The following PUM1 variants were observed in gnomAD, a reference collection of about 807,000 sequenced individuals.
PUM1 encodes the protein pumilio RNA binding family member 1, also known as pumilio homolog 1.
In PUM1, 13 loss-of-function variants were observed where a neutral mutation model predicts 131.8. The observed-to-expected ratio is 0.10, with a 90% confidence interval of 0.06 to 0.16. PUM1 has a LOEUF of 0.16. Ranked by LOEUF, PUM1 falls within the 10% of genes least tolerant of loss-of-function variation. The pLI, the probability that PUM1 is intolerant of heterozygous loss-of-function variation, is 1.00. For synonymous variants in PUM1, 509 were observed against 556.5 expected (o/e 0.91, Z 1.20); for missense variants, 961 against 1,512.4 (o/e 0.64, Z 6.05).
chr1:31,029,913 CAAA>C (rs10592751), intron 2 of PUM1, among the ~76,000 whole-genome samples: 36,122 of 120,146 alleles, frequency 0.3, 6,860 homozygotes, highest in East Asian at 0.8. Flanking sequence ...GATCCTTTTT[CAAA>C]AAAAAAAAAA....
At chr1:31,002,676 G>T (rs1237599587) in intron 5 of PUM1, among the ~76,000 whole-genome samples, 2 of 152,128 alleles carry the variant, frequency 1.3e-5, no homozygotes, top group Non-Finnish European at 2.9e-5. Flanking sequence ...CAAAAGAAAA[G>T]AAAAATAAAA....
intron 3 of PUM1, among the ~76,000 whole-genome samples, chr1:31,008,399 A>G (rs1570260692): frequency 1.7e-5 from 1 of 59,776 alleles, no homozygotes; most frequent in African/African-American, 1.5e-4. Flanking sequence ...CAAGATTGAG[A>G]AAAAAAAAAA....
chr1:31,063,545 A>C (rs1644412831), intron 1 of PUM1, among the ~76,000 whole-genome samples: 1 of 152,190 alleles, frequency 6.6e-6, no homozygotes, highest in Admixed American at 6.6e-5. Context: ...GGACACACAA[A>C]AAGCCCTGGC....
intron 2 of PUM1, among the ~76,000 whole-genome samples, chr1:31,044,547 G>GCA (rs1318087009): frequency 6.6e-6 from 1 of 152,204 alleles, no homozygotes; most frequent in Non-Finnish European, 1.5e-5. Flanking sequence ...GACAGAAGTG[G>GCA]ACTGGTGGTT....
intron 2 of PUM1, among the ~76,000 whole-genome samples, chr1:31,043,136 T>C (rs1192343515): frequency 6.6e-6 from 1 of 152,216 alleles, no homozygotes; most frequent in Non-Finnish European, 1.5e-5. Flanking sequence ...TTAAAAGTGG[T>C]ATCTCCCTAA....
chr1:30,986,563 AATCATC>A (rs541046734), intron 7 of PUM1, among the ~76,000 whole-genome samples: 2 of 152,036 alleles, frequency 1.3e-5, no homozygotes, highest in Non-Finnish European at 2.9e-5. Flanking sequence ...AAAAAAAAAA[AATCATC>A]ATCATCATCA....
chr1:30,957,806 C>T (rs1427430091), intron 14 of PUM1, among the ~76,000 whole-genome samples: 1 of 152,212 alleles, frequency 6.6e-6, no homozygotes, highest in Non-Finnish European at 1.5e-5. Context: ...TCCCCAGTAT[C>T]TAGTTCTGTG....
At chr1:30,998,521 G>A (rs766573993) in intron 5 of PUM1, among the ~76,000 whole-genome samples, 58 of 152,194 alleles carry the variant, frequency 3.8e-4, no homozygotes, top group Non-Finnish European at 6.6e-4. Flanking sequence ...GCATGCGCCT[G>A]TAGTCCTTGC....
chr1:30,948,621 T>C (rs1480075078), intron 17 of PUM1, among the ~76,000 whole-genome samples: 1 of 152,130 alleles, frequency 6.6e-6, no homozygotes, highest in African/African-American at 2.4e-5. Flanking sequence ...GGAAGTGGCG[T>C]ATGCCTGTAG....
At chr1:30,998,981 T>C (rs564493424) in intron 5 of PUM1, among the ~76,000 whole-genome samples, 1 of 151,256 alleles carries the variant, frequency 6.6e-6, no homozygotes, top group African/African-American at 2.5e-5. Context: ...TATTCATAGC[T>C]GTGTGGTGTT....
intron 18 of PUM1, among the ~76,000 whole-genome samples, chr1:30,943,255 T>C (rs1639533405): frequency 6.6e-6 from 1 of 152,106 alleles, no homozygotes; most frequent in Admixed American, 6.6e-5. Flanking sequence ...GCATGGTATA[T>C]ACAAAGAATT....
intron 14 of PUM1, among the ~76,000 whole-genome samples, 191 bp from the exon 15 acceptor site, chr1:30,954,172 G>A (rs1014344973): frequency 1.1e-4 from 16 of 152,180 alleles, no homozygotes; most frequent in Admixed American, 9.2e-4. Context: ...GGAAACTTTT[G>A]CACAAAGATT....
In PUM1 at chr1:30,995,067, C is replaced by G; in HGVS notation, c.874G>C (p.Val292Leu). ...AAACATACAAACCTAAAATCTTTGA[C>G]GTCTGCATCAATCCCATTCTGCACT... ...LPVQNGIDAD[V>L]KDFSRTPGNC... Residue 292 changes from valine (V) to leucine (L), a missense_variant, in exon 6 of 22, where the codon GTC becomes CTC. Coordinates refer to ENST00000426105, the MANE Select transcript of PUM1 (RefSeq NM_001020658.2). The G allele has an allele frequency of 1.2e-6, 2 of 1,613,720 alleles. No homozygotes were observed. Among genetic ancestry groups the G allele is most frequent in the Non-Finnish European group, 1.7e-6 (2 of 1,179,826 alleles).
chr1:31,059,215 C>T lies in PUM1; in HGVS notation c.352G>A (p.Ala118Thr), dbSNP rs760993181. Residue 118 changes from alanine (A) to threonine (T), a missense_variant, in exon 2 of 22, where the codon GCA (alanine) becomes ACA (threonine). Coordinates refer to ENST00000426105, the MANE Select transcript of PUM1 (RefSeq NM_001020658.2). ...GAACTTTTTTTTACCTGATGTTCTGCATGAATGTTATCCCCAGTAGGCCAT... is the reference window on the plus strand; with the variant it reads ...GAACTTTTTTTTACCTGATGTTCTGTATGAATGTTATCCCCAGTAGGCCAT... ...HRWPTGDNIH[A>T]EHQVRSMDEL... 6 of 1,581,396 alleles carry T rather than the reference C, an allele frequency of 3.8e-6. No individual in the cohort carries two copies. The highest frequency in any genetic ancestry group is 1.4e-5 in the African/African-American group (1 of 73,624).
intron 5 of PUM1, among the ~76,000 whole-genome samples, chr1:31,005,215 A>AG (rs1383799752): frequency 2.0e-5 from 3 of 152,236 alleles, no homozygotes; most frequent in Non-Finnish European, 4.4e-5. Context: ...AAAAAGAAAA[A>AG]GGCTATAGAC....
rs780317716 is a variant in PUM1, at chr1:30,933,277, C to T, written c.3501G>A (p.Glu1167=). ...CAACACCGTTCTTCATGTAGTACTT[C>T]TCCAGCTTGGCCAGAATGTGCTTGC... ...TYGKHILAKL[E]KYYMKNGVDL... The change falls in exon 22 of 22, where the codon GAG becomes GAA. Residue 1167 remains glutamate, a synonymous_variant. Coordinates refer to ENST00000426105, the MANE Select transcript of PUM1 (RefSeq NM_001020658.2). 4 of 1,613,654 alleles carry T rather than the reference C, an allele frequency of 2.5e-6. No homozygotes were observed. The highest frequency in any genetic ancestry group is 2.5e-6 in the Non-Finnish European group (3 of 1,179,796).
At chr1:30,977,812 G>A (rs551211070) in intron 9 of PUM1, among the ~76,000 whole-genome samples, 1 of 152,152 alleles carries the variant, frequency 6.6e-6, no homozygotes, top group East Asian at 1.9e-4. Context: ...GACTTCTAAA[G>A]AAAGTACAGA....
At chr1:31,039,409 T>C (rs547714356) in intron 2 of PUM1, among the ~76,000 whole-genome samples, 214 of 151,874 alleles carry the variant, frequency 1.4e-3, no homozygotes, top group African/African-American at 4.9e-3. Flanking sequence ...ATTTTTAGTA[T>C]AGACAGAGTT....
intron 2 of PUM1, among the ~76,000 whole-genome samples, chr1:31,029,749 CCT>C (rs1046148528): frequency 6.6e-6 from 1 of 151,846 alleles, no homozygotes; most frequent in Non-Finnish European, 1.5e-5. Flanking sequence ...GCAAAATTCC[CCT>C]CTCTACAAAA....
Sources: gnomAD v4.1 joint callset for allele counts (sites outside exome capture counted in the v4.1 genomes callset) on GRCh38, gnomAD v4.1.1 for gene constraint, MANE v1.5 for transcripts, NCBI Gene and HGNC (gene_info 2026-07-23, HGNC 2026-07-21) for gene names.